Variants in TMEM132B observed in about 807,000 individuals in gnomAD.
TMEM132B encodes transmembrane protein 132B.
TMEM132B carries 18 observed loss-of-function variants against 90.8 expected under a neutral mutation model. The ratio of observed to expected loss-of-function variants is 0.20; its 90% CI spans 0.14 to 0.29. TMEM132B has a LOEUF of 0.29. Among genes scored for constraint, TMEM132B ranks in the 10% least tolerant of loss-of-function variants. TMEM132B has a pLI of 1.00. For missense variants in TMEM132B, 1,096 were observed against 1,326.8 expected (o/e 0.83, Z 2.70); for synonymous variants, 504 against 523.3 (o/e 0.96, Z 0.50).
At chr12:125,466,826 G>A (rs1161993888) in intron 3 of TMEM132B, among the ~76,000 whole-genome samples, 1 of 152,208 alleles carries the variant, frequency 6.6e-6, no homozygotes, top group Non-Finnish European at 1.5e-5. Flanking sequence ...AGTCATTGAG[G>A]GCTTAGTCTG....
rs372343091 is a variant in TMEM132B, at chr12:125,658,373, A to G, written c.*3663A>G. The stretch of plus-strand genomic sequence containing the variant: ...GTCGGGGCCCTGTCAGAGAACTATT[A>G]TTAAGGCTCTGTGAGGGAACTGTTC... On this transcript the variant is annotated 3_prime_UTR_variant, in exon 9 of 9. Transcript: ENST00000682704. 6.6e-6 allele frequency: 1 copy of G among 152,246 alleles called. No homozygotes were observed. The highest frequency in any genetic ancestry group is 6.5e-5 in the Admixed American group (1 of 15,282). The allele number at this position is 152,246 out of a possible 1,614,324, so 9.4% of individuals were successfully genotyped here.
In TMEM132B at chr12:125,220,106, T is replaced by C. The variant is rs1240152791; in HGVS notation, c.67+33240T>C. Among the ~76,000 whole-genome samples the C allele has an allele frequency of 2.0e-5, 3 of 152,272 alleles. No individual in the cohort carries two copies. The East Asian group carries it at 5.8e-4, about 29-fold the overall frequency. Reference sequence around the variant, plus strand: ...AAAGTTCACCTCTTGTGGATTCTTCTAGAGTTTGTTTATATAATATACAAG... The same window carrying C: ...AAAGTTCACCTCTTGTGGATTCTTCCAGAGTTTGTTTATATAATATACAAG... On this transcript the variant is annotated intron_variant, in intron 1 of 8. Transcript: ENST00000682704.
chr12:125,491,172 T>G (rs1410147379), intron 3 of TMEM132B, among the ~76,000 whole-genome samples: 1 of 152,194 alleles, frequency 6.6e-6, no homozygotes, highest in East Asian at 1.9e-4. Context: ...AATACATGTT[T>G]ATTGTTTTAA....
In TMEM132B at chr12:125,355,955, G is replaced by GA. The variant is rs146212126; in HGVS notation, c.959+5618dup. On this transcript the variant is annotated intron_variant, in intron 2 of 8. Transcript: ENST00000682704. ...AGCACGTACATCTCACCCATGCCTT[G>GA]AAAAAACCCTTCAGCAAAGGGTCAT... Among the ~76,000 whole-genome samples the GA allele has an allele frequency of 0.014, 2,120 of 152,172 alleles. 157 individuals are homozygous for GA. In the East Asian group the frequency reaches 0.2, roughly 14 times the overall value.
intron 2 of TMEM132B, among the ~76,000 whole-genome samples, chr12:125,367,260 A>G (rs985348941): frequency 2.0e-5 from 3 of 152,176 alleles, no homozygotes; most frequent in African/African-American, 7.2e-5. Flanking sequence ...AATATTATGA[A>G]TGCTAAGTTG....
In TMEM132B at chr12:125,660,434, G is replaced by A. The variant is rs1028057115; in HGVS notation, c.*5724G>A. On this transcript the variant is annotated 3_prime_UTR_variant, in exon 9 of 9. Transcript: ENST00000682704. ...GTGTGTGAGTGCAAAATGTAAACACGGCATTTGAAATTTTTTGGTATTGAA... is the reference window on the plus strand; with the variant it reads ...GTGTGTGAGTGCAAAATGTAAACACAGCATTTGAAATTTTTTGGTATTGAA... 5 of 152,062 alleles carry A rather than the reference G, an allele frequency of 3.3e-5. No individual in the cohort carries two copies. Among genetic ancestry groups the A allele is most frequent in the East Asian group, 1.9e-4 (1 of 5,188 alleles). The allele number at this position is 152,062 out of a possible 1,614,324, so 9.4% of individuals were successfully genotyped here.
intron 3 of TMEM132B, among the ~76,000 whole-genome samples, chr12:125,482,743 A>G (rs939928757): frequency 6.6e-6 from 1 of 152,156 alleles, no homozygotes; most frequent in Admixed American, 6.5e-5. Context: ...TCTCATTACT[A>G]GGTATATACC....
chr12:125,237,095 T>C (rs1873954088), intron 1 of TMEM132B, among the ~76,000 whole-genome samples: 1 of 152,256 alleles, frequency 6.6e-6, no homozygotes, highest in Non-Finnish European at 1.5e-5. Context: ...CTTCTCTATT[T>C]GGGTTCTACC....
At chr12:125,563,751 A>G (rs1884599304) in intron 4 of TMEM132B, among the ~76,000 whole-genome samples, 1 of 152,178 alleles carries the variant, frequency 6.6e-6, no homozygotes, top group Non-Finnish European at 1.5e-5. Flanking sequence ...TTCTTATCAG[A>G]AAAAAGGAGA....
chr12:125,470,740 G>C lies in TMEM132B; in HGVS notation c.1107-48699G>C, dbSNP rs143711785. On this transcript the variant is annotated intron_variant, in intron 3 of 8. Transcript: ENST00000682704. ...AATCCAGACACCAGGGGTCACTCCT[G>C]GGGGGTTTGCCTCACTCCTGGGCTC... Among the ~76,000 whole-genome samples the C allele has an allele frequency of 1.4e-3, 218 of 152,222 alleles. 1 individual carries two copies. The highest frequency in any genetic ancestry group is 5.0e-3 in the African/African-American group (208 of 41,562).
chr12:125,388,219 G>A (rs1164003879), intron 2 of TMEM132B, among the ~76,000 whole-genome samples: 1 of 152,042 alleles, frequency 6.6e-6, no homozygotes, highest in Admixed American at 6.6e-5. Context: ...CTTGAGGTGG[G>A]GAGTTCAAGA....
intron 1 of TMEM132B, among the ~76,000 whole-genome samples, chr12:125,294,021 G>GCAGC (rs1468568914): frequency 7.9e-5 from 12 of 152,304 alleles, no homozygotes; most frequent in African/African-American, 2.9e-4. Flanking sequence ...ACCCAGCCTT[G>GCAGC]CAGCCAGCAA....
intron 4 of TMEM132B, among the ~76,000 whole-genome samples, chr12:125,537,805 G>A (rs971153284): frequency 1.3e-5 from 2 of 152,140 alleles, no homozygotes; most frequent in African/African-American, 4.8e-5. Context: ...GGCCAACCTG[G>A]CTTCAAATAT....
intron 4 of TMEM132B, among the ~76,000 whole-genome samples, chr12:125,581,113 G>A (rs1366990031): frequency 6.6e-6 from 1 of 152,158 alleles, no homozygotes; most frequent in African/African-American, 2.4e-5. Flanking sequence ...AGAATCATAA[G>A]TTTGCATCAG....
rs192316457 is a variant in TMEM132B at position 125,579,951 on chromosome 12, T to A, written c.1294-3900T>A. On this transcript the variant is annotated intron_variant, in intron 4 of 8. Transcript: ENST00000682704. ...AGTTTGTTTTTGTTGTTTGTTGTAGTAGCTGTTGATTGCTTAGTGACTTTT... is the reference window on the plus strand; with the variant it reads ...AGTTTGTTTTTGTTGTTTGTTGTAGAAGCTGTTGATTGCTTAGTGACTTTT... Among the ~76,000 whole-genome samples the A allele has an allele frequency of 2.0e-5, 3 of 152,324 alleles. No individual in the cohort carries two copies. In the East Asian group the frequency reaches 5.8e-4, roughly 29 times the overall value.
chr12:125,366,231 C>CTG lies in TMEM132B; in HGVS notation c.959+15902_959+15903dup, dbSNP rs376395060. 2.6e-3 allele frequency among the ~76,000 whole-genome samples: 389 copies of CTG among 151,248 alleles called. 1 individual carries two copies. Among genetic ancestry groups the CTG allele is most frequent in the African/African-American group, 8.6e-3 (357 of 41,310 alleles). ...TTCTTTTTATGGCTGAATAATATTGCTGTGTGTGTGTGTGTACACAGCACA... is the reference window on the plus strand; with the variant it reads ...TTCTTTTTATGGCTGAATAATATTGCTGTGTGTGTGTGTGTGTACACAGCACA... On this transcript the variant is annotated intron_variant, in intron 2 of 8. Coordinates refer to ENST00000682704, the MANE Select transcript of TMEM132B (RefSeq NM_001366854.1).
intron 1 of TMEM132B, among the ~76,000 whole-genome samples, chr12:125,293,950 T>G (rs754122083): frequency 1.3e-5 from 2 of 152,188 alleles, no homozygotes; most frequent in Non-Finnish European, 2.9e-5. Context: ...TGAGATACTT[T>G]CCTCCTGGAG....
intron 3 of TMEM132B, among the ~76,000 whole-genome samples, chr12:125,422,959 G>A (rs930478274): frequency 6.6e-6 from 1 of 152,180 alleles, no homozygotes; most frequent in African/African-American, 2.4e-5. Flanking sequence ...GACCAGGGGC[G>A]TAAAGAATAC....
At chr12:125,442,446 C>T (rs1315607876) in intron 3 of TMEM132B, among the ~76,000 whole-genome samples, 4 of 152,112 alleles carry the variant, frequency 2.6e-5, no homozygotes, top group Admixed American at 1.3e-4. Context: ...AAATCCATGC[C>T]CTGTCATTTA....
Sources: allele counts gnomAD v4.1 joint callset (sites outside exome capture counted in the v4.1 genomes callset), GRCh38; gene constraint gnomAD v4.1.1; transcripts MANE v1.5; gene names NCBI Gene and HGNC (gene_info 2026-07-23, HGNC 2026-07-21).